Variants in PCID2 observed in about 807,000 individuals in gnomAD.
The protein encoded by PCID2 is PCI domain containing 2.
A neutral mutation model predicts 61.3 loss-of-function variants in PCID2; 41 were observed. The ratio of observed to expected loss-of-function variants is 0.67; its 90% CI spans 0.52 to 0.87. PCID2 has a LOEUF of 0.87. PCID2 is among the 40% of genes least tolerant of loss of function. The pLI is 0.00. For synonymous variants in PCID2, 187 were observed against 177.8 expected, an observed-to-expected ratio of 1.05 and a Z score of -0.41; for missense variants, 392 against 493.4, an observed-to-expected ratio of 0.79 and a Z score of 1.95.
At position 113,179,896 on chromosome 13, in the gene PCID2, A is replaced by T; in HGVS notation, c.986+21T>A. 5 of 1,605,004 alleles carry T rather than the reference A, an allele frequency of 3.1e-6. No individual in the cohort carries two copies. Among genetic ancestry groups the T allele is most frequent in the Non-Finnish European group, 4.3e-6 (5 of 1,174,788 alleles). The stretch of plus-strand genomic sequence containing the variant: ...TGCCGAGAGCCACACTGGGAGCCCA[A>T]TGTGCCGGGGAAATGCTTACACTTT... On this transcript the variant is annotated intron_variant, in intron 12 of 13. Transcript: ENST00000337344. The surrounding 1 kb of genome is among the most constrained non-coding windows in gnomAD (Gnocchi z 4.3).
At chr13:113,181,504 G>A (rs1410241606) in intron 9 of PCID2, among the ~76,000 whole-genome samples, 1 of 152,174 alleles carries the variant, frequency 6.6e-6, no homozygotes, top group African/African-American at 2.4e-5. Flanking sequence ...ATTTGCCTAA[G>A]GTCAGCTGGC....
chr13:113,193,359 T>C (rs1177792883), intron 6 of PCID2, among the ~76,000 whole-genome samples: 2 of 152,172 alleles, frequency 1.3e-5, no homozygotes, highest in Non-Finnish European at 2.9e-5. Context: ...TATGAGAATA[T>C]TCCTCTCTTT....
intron 1 of PCID2, among the ~76,000 whole-genome samples, chr13:113,201,958 A>G (rs2039467710): frequency 6.6e-6 from 1 of 152,206 alleles, no homozygotes; most frequent in South Asian, 2.1e-4. Flanking sequence ...GGATGTCATA[A>G]CATGCATGTG....
In PCID2 at chr13:113,179,062, C is replaced by T. The variant is rs2037375998; in HGVS notation, c.1014G>A (p.Leu338=). ...AGGCAACCAGAAAAGCATCCAGAGA[C>T]AGCTGGTGTGTTTTCAGTAACAAAT... ...KVYLLLKTHQ[L]SLDAFLVALK... Residue 338 remains leucine (L), a synonymous_variant, in exon 13 of 14, where the codon CTG becomes CTA. Transcript: ENST00000337344. This position sits in a 1 kb window ranked among gnomAD's most constrained non-coding sequence, Gnocchi z 4.3. 6.2e-7 allele frequency: 1 copy of T among 1,613,756 alleles called. No individual in the cohort carries two copies. The highest frequency in any genetic ancestry group is 8.5e-7 in the Non-Finnish European group (1 of 1,179,738).
the PCID2 span, among the ~76,000 whole-genome samples, chr13:113,167,245 G>A: frequency 6.6e-6 from 1 of 152,182 alleles, no homozygotes; most frequent in African/African-American, 2.4e-5. Context: ...CCCCTTTAAA[G>A]TGAGGATCTC....
At chr13:113,169,508 G>A in the PCID2 span, among the ~76,000 whole-genome samples, 9 of 152,280 alleles carry the variant, frequency 5.9e-5, no homozygotes, top group Non-Finnish European at 1.2e-4. Context: ...ATCCTGTTAG[G>A]TGCTGAATAT....
chr13:113,176,566 A>ACTGTT, downstream of PCID2, among the ~76,000 whole-genome samples: 1 of 152,404 alleles, frequency 6.6e-6, no homozygotes, highest in Non-Finnish European at 1.5e-5. Flanking sequence ...GTTCCAGACC[A>ACTGTT]GCCTGTGCAA....
At chr13:113,166,014 T>C in the PCID2 span, 1 of 152,250 alleles carries the variant, frequency 6.6e-6, no homozygotes, top group Non-Finnish European at 1.5e-5. Flanking sequence ...AAAATAGATA[T>C]TACGATTTTT....
the PCID2 span, chr13:113,171,851 C>T: frequency 5.0e-6 from 8 of 1,613,654 alleles, no homozygotes; most frequent in Admixed American, 3.3e-5. The surrounding 1 kb of genome is among the most constrained non-coding windows in gnomAD (Gnocchi z 5.1). Flanking sequence ...GCTGACCACG[C>T]GGCCTGTCAC....
Position 113,180,051 on chromosome 13 carries a change from G to T in PCID2, c.861-9C>A, listed in dbSNP as rs371487129. The T allele has an allele frequency of 8.7e-6, 14 of 1,613,780 alleles. No individual in the cohort carries two copies. In the East Asian group the frequency reaches 2.5e-4, roughly 28 times the overall value. On this transcript the variant is annotated splice_polypyrimidine_tract_variant and intron_variant, in intron 11 of 13. Transcript: ENST00000337344. ...GCAGCAGGTTGCCCTCGCTGGTGAG[G>T]GGGGAGGCGCGTCAGAAGGAGGGTG...
the PCID2 span, among the ~76,000 whole-genome samples, chr13:113,165,510 A>G: frequency 6.6e-6 from 1 of 152,106 alleles, no homozygotes; most frequent in African/African-American, 2.4e-5. Flanking sequence ...TGGCTGGTTT[A>G]GAAGTTAACC....
chr13:113,180,102 A>G (rs2037495619), intron 11 of PCID2, 56 bp downstream of exon 11: 2 of 1,613,482 alleles, frequency 1.2e-6, no homozygotes, highest in South Asian at 1.1e-5. Context: ...GTGCACGTCA[A>G]CTCTCATCAG....
At chr13:113,198,658 T>C (rs1212959925) in intron 2 of PCID2, among the ~76,000 whole-genome samples, 1 of 152,176 alleles carries the variant, frequency 6.6e-6, no homozygotes, top group Non-Finnish European at 1.5e-5. Context: ...TAAGCCAAGA[T>C]CGTGCCACTG....
intron 1 of PCID2, chr13:113,208,346 C>T: frequency 7.0e-7 from 1 of 1,433,986 alleles, no homozygotes; most frequent in East Asian, 2.5e-5. Context: ...GCCGCGTCTA[C>T]TTACACCGCG....
intron 1 of PCID2, chr13:113,208,238 A>T (rs2040081590): frequency 6.8e-7 from 1 of 1,466,834 alleles, no homozygotes. Flanking sequence ...CCGACACAGC[A>T]CCGCCCACAG....
intron 4 of PCID2, 136 bp from the exon 5 acceptor site, chr13:113,196,358 T>C (rs1308870222): frequency 3.2e-6 from 2 of 621,892 alleles, no homozygotes; most frequent in South Asian, 2.7e-5. Flanking sequence ...AGTAAGTTCT[T>C]GAAGGAAAAA....
In PCID2 at chr13:113,185,409, G is replaced by GAT. The variant is rs973756834; in HGVS notation, c.543+74_543+75dup. The GAT allele has an allele frequency of 3.6e-5, 35 of 983,110 alleles. No homozygotes were observed. The African/African-American group carries it at 4.0e-4, about 11-fold the overall frequency. The allele number at this position is 983,110 out of a possible 1,614,324, so 60.9% of individuals were successfully genotyped here. The stretch of plus-strand genomic sequence containing the variant: ...ACAAGCAACGCCAGGGAGGCTAGCT[G>GAT]ATATATATATGATATGTGGGAAGCC... On this transcript the variant is annotated intron_variant, in intron 8 of 13. Transcript: ENST00000337344.
chr13:113,170,450 G>A, the PCID2 span: 1 of 1,609,490 alleles, frequency 6.2e-7, no homozygotes, highest in Non-Finnish European at 8.5e-7. Context: ...GACTTCTGTG[G>A]TGGTGTTATA....
intron 1 of PCID2, among the ~76,000 whole-genome samples, chr13:113,206,306 T>A (rs2039810797): frequency 6.6e-6 from 1 of 152,170 alleles, no homozygotes; most frequent in Admixed American, 6.5e-5. Flanking sequence ...TGGGCTGAAG[T>A]CTTATTGTCT....
Sources: allele counts gnomAD v4.1 joint callset (sites outside exome capture counted in the v4.1 genomes callset), GRCh38; gene constraint gnomAD v4.1.1; non-coding constraint Gnocchi (gnomAD v3.1); transcripts MANE v1.5; gene names NCBI Gene and HGNC (gene_info 2026-07-23, HGNC 2026-07-21).